The following DAB1 variants were observed in gnomAD, a reference collection of about 807,000 sequenced individuals.
DAB1 encodes DAB adaptor protein 1.
In DAB1, 15 loss-of-function variants were observed where a neutral mutation model predicts 64.6. The ratio of observed to expected loss-of-function variants is 0.23; its 90% confidence interval spans 0.16 to 0.36. The LOEUF is 0.36. Ranked by LOEUF, DAB1 falls within the 10% of genes least tolerant of loss-of-function variation. The pLI is 1.00. For missense variants in DAB1, 596 were observed against 706.7 expected, an observed-to-expected ratio of 0.84 and a Z score of 1.78; for synonymous variants, 235 against 251.9, an observed-to-expected ratio of 0.93 and a Z score of 0.64.
At chr1:57,665,408 G>A (rs1017279745) in intron 6 of DAB1, among the ~76,000 whole-genome samples, 2 of 152,080 alleles carry the variant, frequency 1.3e-5, no homozygotes, top group Admixed American at 6.6e-5. Context: ...GTTTAAAGTG[G>A]TACAATATTT....
intron 6 of DAB1, among the ~76,000 whole-genome samples, chr1:57,752,342 GT>G (rs1648597159): frequency 6.6e-6 from 1 of 152,174 alleles, no homozygotes; most frequent in Admixed American, 6.5e-5. Context: ...TATAAGCCGG[GT>G]TTTGATGTTG....
At chr1:58,280,712 A>AAGG (rs766411306) in intron 4 of DAB1, among the ~76,000 whole-genome samples, 2 of 152,104 alleles carry the variant, frequency 1.3e-5, no homozygotes, top group Admixed American at 6.6e-5. Flanking sequence ...TGTAATAAAG[A>AAGG]AGGAGGAGGA....
chr1:57,577,928 TA>T (rs1645269385), intron 7 of DAB1, among the ~76,000 whole-genome samples: 1 of 152,142 alleles, frequency 6.6e-6, no homozygotes, highest in East Asian at 1.9e-4. Flanking sequence ...AGAGGAAATA[TA>T]AAACAGCTGG....
chr1:57,328,209 A>G (rs1168530178), intron 1 of DAB1, among the ~76,000 whole-genome samples: 1 of 152,204 alleles, frequency 6.6e-6, no homozygotes, highest in African/African-American at 2.4e-5. Flanking sequence ...GTCAGATCCC[A>G]GGAATTAGAG....
intron 7 of DAB1, among the ~76,000 whole-genome samples, chr1:57,599,914 T>C (rs1484479665): frequency 6.6e-6 from 1 of 152,202 alleles, no homozygotes; most frequent in African/African-American, 2.4e-5. Context: ...GCTCCACTGT[T>C]CTGTCTTCAC....
intron 5 of DAB1, among the ~76,000 whole-genome samples, chr1:57,913,129 T>A (rs1255018558): frequency 6.6e-6 from 1 of 152,200 alleles, no homozygotes; most frequent in Non-Finnish European, 1.5e-5. Context: ...AGAGCCCGCA[T>A]TGCCAAATCA....
Position 57,516,679 on chromosome 1 carries a change from T to C in DAB1, n.625+132913A>G, listed in dbSNP as rs557291489. 1.8e-4 allele frequency among the ~76,000 whole-genome samples: 27 copies of C among 152,352 alleles called. No individual in the cohort carries two copies. The South Asian group carries it at 5.6e-3, about 32-fold the overall frequency. ...CTCATGGAGTCCTTCTTTCCACTCC[T>C]GCTGCTCCTTTCATGCAGCTAGCTT... On this transcript the variant is annotated intron_variant and non_coding_transcript_variant, in intron 7 of 20. Coordinates refer to the DAB1 transcript ENST00000485760.
intron 1 of DAB1, among the ~76,000 whole-genome samples, chr1:57,882,414 C>T (rs1003757217): frequency 2.6e-5 from 4 of 152,170 alleles, no homozygotes; most frequent in Admixed American, 6.5e-5. Flanking sequence ...CAGCCTCCTA[C>T]GTGCTTGCTC....
intron 7 of DAB1, among the ~76,000 whole-genome samples, chr1:57,626,747 C>G (rs558889623): frequency 6.6e-6 from 1 of 152,138 alleles, no homozygotes; most frequent in Admixed American, 6.5e-5. Flanking sequence ...ACTGTGCCCC[C>G]ACATGGCAGA....
chr1:57,855,916 C>T (rs1653730417), intron 1 of DAB1, among the ~76,000 whole-genome samples: 1 of 152,022 alleles, frequency 6.6e-6, no homozygotes, highest in Admixed American at 6.6e-5. Flanking sequence ...TGAAAAGGTC[C>T]CAGGAGGCAA....
chr1:58,546,268 G>C (rs1646702805), intron 1 of DAB1, among the ~76,000 whole-genome samples: 1 of 152,244 alleles, frequency 6.6e-6, no homozygotes, highest in Non-Finnish European at 1.5e-5. Flanking sequence ...CGACGCGCCG[G>C]GAGGCGGTCC....
intron 7 of DAB1, among the ~76,000 whole-genome samples, chr1:57,612,356 G>A (rs1293451267): frequency 2.6e-5 from 4 of 152,060 alleles, no homozygotes; most frequent in Admixed American, 1.3e-4. Context: ...CATGGTAAAC[G>A]TACTTTGCAG....
At chr1:57,303,675 A>AC (rs1486657484) in intron 1 of DAB1, among the ~76,000 whole-genome samples, 5 of 152,112 alleles carry the variant, frequency 3.3e-5, no homozygotes, top group East Asian at 1.9e-4. Flanking sequence ...AAACAAACAA[A>AC]AAAAAACAGA....
At position 57,538,404 on chromosome 1, in the gene DAB1, G is replaced by A. The variant is rs116581466; in HGVS notation, n.625+111188C>T. On this transcript the variant is annotated intron_variant and non_coding_transcript_variant, in intron 7 of 20. Coordinates refer to the DAB1 transcript ENST00000485760. ...TAAGGCCTTCTACTTCTGGGATTGG[G>A]CCCTACCTCCCTCCCTGGCTCCATT... Among the ~76,000 whole-genome samples the A allele has an allele frequency of 6.6e-3, 1,002 of 152,110 alleles. 9 individuals carry two copies. The highest frequency in any genetic ancestry group is 0.023 in the African/African-American group (966 of 41,490).
intron 3 of DAB1, among the ~76,000 whole-genome samples, chr1:58,494,570 A>C (rs1645761048): frequency 6.6e-6 from 1 of 152,208 alleles, no homozygotes; most frequent in Admixed American, 6.5e-5. Flanking sequence ...ACAAATTTAC[A>C]AGAAAAAAAC....
At chr1:57,887,930 T>A (rs866467727), upstream of DAB1, among the ~76,000 whole-genome samples, 10 of 152,210 alleles carry the variant, frequency 6.6e-5, no homozygotes, top group Admixed American at 5.9e-4. Context: ...GGAAACTTCA[T>A]TTTCTGAGTG....
chr1:57,731,403 TG>T (rs2101774034), intron 6 of DAB1, among the ~76,000 whole-genome samples: 1 of 152,206 alleles, frequency 6.6e-6, no homozygotes, highest in South Asian at 2.1e-4. Flanking sequence ...AAGGTGGTGA[TG>T]GTCACACAAC....
At chr1:57,438,118 T>C (rs1685764941) in intron 7 of DAB1, among the ~76,000 whole-genome samples, 1 of 152,186 alleles carries the variant, frequency 6.6e-6, no homozygotes, top group South Asian at 2.1e-4. Flanking sequence ...AATTTCTTAT[T>C]TAGAATTAAT....
chr1:57,981,244 A>G (rs1478135003), intron 5 of DAB1, among the ~76,000 whole-genome samples: 2 of 152,090 alleles, frequency 1.3e-5, no homozygotes, highest in Non-Finnish European at 2.9e-5. Flanking sequence ...GAGATTTTAT[A>G]GGGAAAGGAT....
Sources: allele counts gnomAD v4.1 joint callset (sites outside exome capture counted in the v4.1 genomes callset), GRCh38; gene constraint gnomAD v4.1.1; transcripts MANE v1.5; gene names NCBI Gene and HGNC (gene_info 2026-07-23, HGNC 2026-07-21).